Variants in CNTN4 observed in about 807,000 individuals in gnomAD.
The protein encoded by CNTN4 is contactin-4.
In CNTN4, 77 loss-of-function variants were observed where a neutral mutation model predicts 122.5. The ratio of observed to expected loss-of-function variants is 0.63; its 90% CI spans 0.52 to 0.76. The LOEUF is 0.76. Among genes scored for constraint, CNTN4 ranks in the 30% least tolerant of loss-of-function variants. CNTN4 has a pLI of 0.00. For missense variants in CNTN4, 1,256 were observed against 1,259.1 expected (o/e 1.00, Z 0.04); for synonymous variants, 512 against 447.0 (o/e 1.15, Z -1.83).
At chr3:2,802,651 A>G (rs1467195533) in intron 6 of CNTN4, among the ~76,000 whole-genome samples, 1 of 152,194 alleles carries the variant, frequency 6.6e-6, no homozygotes, top group Non-Finnish European at 1.5e-5. Flanking sequence ...TGGTGTGACC[A>G]GAGACTCGCA....
chr3:2,521,909 C>T (rs1213721446), intron 3 of CNTN4, among the ~76,000 whole-genome samples: 6 of 152,016 alleles, frequency 3.9e-5, no homozygotes, highest in South Asian at 2.1e-4. Flanking sequence ...CAAAAGTAAT[C>T]GTGCTTATCA....
At chr3:2,601,891 A>G (rs944289976) in intron 4 of CNTN4, among the ~76,000 whole-genome samples, 22 of 152,296 alleles carry the variant, frequency 1.4e-4, no homozygotes, top group African/African-American at 5.1e-4. Context: ...AAGCTTATCC[A>G]CCAAGATCAA....
chr3:2,942,548 T>G (rs1577349771), intron 13 of CNTN4, among the ~76,000 whole-genome samples: 1 of 152,218 alleles, frequency 6.6e-6, no homozygotes, highest in African/African-American at 2.4e-5. Flanking sequence ...TGGCAAATCA[T>G]GTGGTGATGG....
intron 12 of CNTN4, among the ~76,000 whole-genome samples, chr3:2,908,081 A>G (rs57932963): frequency 0.052 from 7,912 of 152,178 alleles, 685 homozygotes; most frequent in African/African-American, 0.18. Context: ...ATCCCTGTGG[A>G]CATCCCTGAG....
intron 3 of CNTN4, among the ~76,000 whole-genome samples, chr3:2,410,197 T>G (rs1228685710): frequency 6.6e-6 from 1 of 152,238 alleles, no homozygotes; most frequent in Non-Finnish European, 1.5e-5. Flanking sequence ...TGTAAGAAGA[T>G]GGAGGACCCT....
intron 2 of CNTN4, among the ~76,000 whole-genome samples, chr3:2,277,046 C>A (rs1419130627): frequency 6.6e-6 from 1 of 151,770 alleles, no homozygotes; most frequent in African/African-American, 2.4e-5. Flanking sequence ...AAATAGGCAA[C>A]AAGATTGAGA....
chr3:2,236,420 T>A (rs761355068), intron 2 of CNTN4, among the ~76,000 whole-genome samples: 11 of 152,214 alleles, frequency 7.2e-5, no homozygotes, highest in Non-Finnish European at 1.5e-4. Context: ...TGTGGAAGCA[T>A]ATTGTAAATT....
chr3:2,617,515 G>T (rs111603739), intron 4 of CNTN4, among the ~76,000 whole-genome samples: 1 of 142,470 alleles, frequency 7.0e-6, no homozygotes, highest in African/African-American at 2.6e-5. Flanking sequence ...CCACCTCCCG[G>T]GTTCAAGTGA....
chr3:2,771,548 TGTGA>T (rs1421213402), intron 6 of CNTN4, among the ~76,000 whole-genome samples: 3 of 152,180 alleles, frequency 2.0e-5, no homozygotes, highest in African/African-American at 7.2e-5. Flanking sequence ...ATGGGGATGA[TGTGA>T]GTATCAATGG....
chr3:2,458,169 C>T (rs1021301358), intron 3 of CNTN4, among the ~76,000 whole-genome samples: 3 of 152,116 alleles, frequency 2.0e-5, no homozygotes, highest in African/African-American at 7.2e-5. Context: ...AATTTATTAG[C>T]TGGAGATGTG....
chr3:2,473,173 G>A (rs1425372322), intron 3 of CNTN4, among the ~76,000 whole-genome samples: 1 of 149,512 alleles, frequency 6.7e-6, no homozygotes, highest in Non-Finnish European at 1.5e-5. Flanking sequence ...GGAGGTTGCA[G>A]TGAGCCAAAA....
At chr3:3,039,985 C>A (rs1449862873) in intron 19 of CNTN4, 52 bp from the exon 20 acceptor site, 3 of 1,278,872 alleles carry the variant, frequency 2.3e-6, no homozygotes, top group Non-Finnish European at 2.3e-6. Flanking sequence ...ACGATTTTTG[C>A]ATTTGAGTGA....
At chr3:2,439,196 G>A (rs181342750) in intron 3 of CNTN4, among the ~76,000 whole-genome samples, 212 of 152,278 alleles carry the variant, frequency 1.4e-3, no homozygotes, top group Middle Eastern at 3.4e-3. Flanking sequence ...ATGTTTCAAA[G>A]TGTGGGCTCC....
intron 4 of CNTN4, among the ~76,000 whole-genome samples, chr3:2,661,451 A>G (rs1006124052): frequency 6.6e-6 from 1 of 151,758 alleles, no homozygotes; most frequent in Non-Finnish European, 1.5e-5. Flanking sequence ...TCGATGGATC[A>G]CTCCCTTCTC....
chr3:2,523,861 A>C (rs533244196), intron 3 of CNTN4, among the ~76,000 whole-genome samples: 2 of 152,178 alleles, frequency 1.3e-5, no homozygotes, highest in South Asian at 4.1e-4. Flanking sequence ...GTAAATATAC[A>C]CAAAAAAACT....
intron 13 of CNTN4, among the ~76,000 whole-genome samples, chr3:2,967,707 A>G (rs565425703): frequency 1.3e-5 from 2 of 152,310 alleles, no homozygotes; most frequent in East Asian, 3.9e-4. Context: ...GGAAAAAACT[A>G]TACAACTTAC....
chr3:2,813,029 C>G (rs1440299022), intron 6 of CNTN4, among the ~76,000 whole-genome samples: 1 of 152,130 alleles, frequency 6.6e-6, no homozygotes, highest in Non-Finnish European at 1.5e-5. Flanking sequence ...CTTTGAAACT[C>G]AGGTTTTGTA....
intron 24 of CNTN4, 134 bp downstream of exon 24, chr3:3,054,109 C>T: frequency 1.1e-6 from 1 of 947,396 alleles, no homozygotes; most frequent in Non-Finnish European, 1.7e-6. Context: ...TACCCCCCTT[C>T]TCCAGATGTT....
chr3:2,334,108 A>T (rs148353615), intron 2 of CNTN4, among the ~76,000 whole-genome samples: 11 of 152,332 alleles, frequency 7.2e-5, no homozygotes, highest in Admixed American at 2.0e-4. Context: ...TAATAATAAC[A>T]AGTATCATTA....
Sources: gnomAD v4.1 joint callset for allele counts (sites outside exome capture counted in the v4.1 genomes callset) on GRCh38, gnomAD v4.1.1 for gene constraint, MANE v1.5 for transcripts, NCBI Gene and HGNC (gene_info 2026-07-23, HGNC 2026-07-21) for gene names.